The following MATN2 variants were observed in gnomAD, a reference collection of about 807,000 sequenced individuals.
MATN2 encodes the protein matrilin 2.
A neutral mutation model predicts 103.2 loss-of-function variants in MATN2; 69 were observed. The ratio of observed to expected loss-of-function variants is 0.67; its 90% CI spans 0.55 to 0.82. The LOEUF (loss-of-function observed/expected upper bound fraction) is 0.82, where lower values mean the gene tolerates loss of function less well. MATN2 is among the 40% of genes least tolerant of loss of function. The pLI, the probability that MATN2 is intolerant of heterozygous loss-of-function variation, is 0.00. For synonymous variants in MATN2, 429 were observed against 450.2 expected (o/e 0.95, Z 0.60); for missense variants, 1,023 against 1,211.5 (o/e 0.84, Z 2.31).
intron 11 of MATN2, among the ~76,000 whole-genome samples, chr8:98,017,519 T>C (rs1293994682): frequency 4.6e-5 from 7 of 152,232 alleles, no homozygotes; most frequent in Non-Finnish European, 1.0e-4. Flanking sequence ...TTGACACTTT[T>C]GGAAGAAAAG....
chr8:97,890,080 C>G lies in MATN2; in HGVS notation c.142+1838C>G, dbSNP rs561894108. The stretch of plus-strand genomic sequence containing the variant: ...GATGGGGCACAACCTATCTTTCCCA[C>G]CCCAAGACTGGAAGTGGGCATGGGT... On this transcript the variant is annotated intron_variant, in intron 2 of 18. Coordinates refer to ENST00000254898, the MANE Select transcript of MATN2 (RefSeq NM_002380.5). Among the ~76,000 whole-genome samples the G allele has an allele frequency of 5.3e-4, 80 of 152,298 alleles. 1 individual carries two copies. The highest frequency in any genetic ancestry group is 3.4e-3 in the Middle Eastern group (1 of 294).
chr8:97,897,759 C>G (rs1818860891), intron 2 of MATN2, among the ~76,000 whole-genome samples: 1 of 152,142 alleles, frequency 6.6e-6, no homozygotes, highest in African/African-American at 2.4e-5. Context: ...ACCTGCTGTT[C>G]CCTATCAAAT....
intron 14 of MATN2, 97 bp downstream of exon 14, chr8:98,027,926 A>T (rs2290467): frequency 6.1e-6 from 8 of 1,321,246 alleles, no homozygotes; most frequent in Non-Finnish European, 8.1e-6. Context: ...AGCTTCTTTG[A>T]GTGTACAGAA....
intron 4 of MATN2, among the ~76,000 whole-genome samples, chr8:97,950,221 C>T (rs780171365): frequency 2.0e-5 from 3 of 152,144 alleles, no homozygotes; most frequent in Non-Finnish European, 4.4e-5. Flanking sequence ...TAAGTAGTGG[C>T]GCTGGACCAG....
At chr8:98,014,735 GGTGA>G (rs1256317937) in intron 10 of MATN2, among the ~76,000 whole-genome samples, 5 of 152,148 alleles carry the variant, frequency 3.3e-5, no homozygotes, top group Non-Finnish European at 7.4e-5. Context: ...TTCCCTAGCT[GGTGA>G]GTGAGAATAA....
At chr8:98,015,978 A>G (rs1813344607) in intron 10 of MATN2, among the ~76,000 whole-genome samples, 1 of 152,212 alleles carries the variant, frequency 6.6e-6, no homozygotes, top group African/African-American at 2.4e-5. Flanking sequence ...TAGTTACATA[A>G]TAGCCAGTTA....
intron 2 of MATN2, among the ~76,000 whole-genome samples, chr8:97,921,032 G>A (rs1170665053): frequency 6.6e-6 from 1 of 152,130 alleles, no homozygotes; most frequent in African/African-American, 2.4e-5. Flanking sequence ...TTATGCAGTT[G>A]ATTTCGAACC....
At chr8:97,916,557 A>G (rs1372754928) in intron 2 of MATN2, among the ~76,000 whole-genome samples, 3 of 152,012 alleles carry the variant, frequency 2.0e-5, no homozygotes, top group Admixed American at 6.6e-5. Context: ...GATGGGCCCC[A>G]GTGTGTGTTG....
At chr8:97,986,832 CT>C (rs1026116354) in intron 6 of MATN2, among the ~76,000 whole-genome samples, 1 of 151,952 alleles carries the variant, frequency 6.6e-6, no homozygotes. Flanking sequence ...AGTAGATCTA[CT>C]TTTAGTTATT....
chr8:97,871,731 T>C (rs1277446839), intron 1 of MATN2, among the ~76,000 whole-genome samples: 13 of 152,190 alleles, frequency 8.5e-5, no homozygotes, highest in Admixed American at 7.8e-4. Context: ...CTTCAGCCCA[T>C]GAGGCCATCC....
chr8:97,900,452 G>A (rs1818941279), intron 2 of MATN2, among the ~76,000 whole-genome samples: 1 of 152,180 alleles, frequency 6.6e-6, no homozygotes, highest in African/African-American at 2.4e-5. Context: ...AGTCCCATGG[G>A]GGATGAGCCC....
rs532571647 is a variant in MATN2, at chr8:97,918,017, G to A, written c.143-12936G>A. 6.2e-4 allele frequency among the ~76,000 whole-genome samples: 94 copies of A among 152,260 alleles called. No homozygotes were observed. The South Asian group carries it at 0.018, about 30-fold the overall frequency. ...GGAGGATCACTTGAGCCTGGGAGGC[G>A]GAGGTTGTAGTGAGCTGAGACTGCA... On this transcript the variant is annotated intron_variant, in intron 2 of 18. Coordinates refer to ENST00000254898, the MANE Select transcript of MATN2 (RefSeq NM_002380.5).
chr8:98,010,046 G>C (rs1345677280), intron 10 of MATN2, among the ~76,000 whole-genome samples: 39 of 152,162 alleles, frequency 2.6e-4, no homozygotes, highest in Non-Finnish European at 4.4e-5. Context: ...CTGTCTCCCA[G>C]AATAAATTTC....
intron 1 of MATN2, among the ~76,000 whole-genome samples, chr8:97,882,613 G>A (rs561188166): frequency 6.6e-6 from 1 of 152,192 alleles, no homozygotes; most frequent in South Asian, 2.1e-4. Context: ...ATGTTGCCCA[G>A]GCTGGTCTCC....
At chr8:97,922,305 A>T (rs1357903525) in intron 2 of MATN2, among the ~76,000 whole-genome samples, 2 of 152,042 alleles carry the variant, frequency 1.3e-5, no homozygotes. Flanking sequence ...TTTTGCTCTG[A>T]CCCCATGCCC....
At chr8:97,983,627 C>T (rs977796) in intron 6 of MATN2, among the ~76,000 whole-genome samples, 41,869 of 152,010 alleles carry the variant, frequency 0.28, 7,278 homozygotes, top group African/African-American at 0.49. Flanking sequence ...AAGGCAATTG[C>T]GGACACCATC....
At chr8:97,887,645 A>C (rs896155820) in intron 1 of MATN2, among the ~76,000 whole-genome samples, 1 of 152,250 alleles carries the variant, frequency 6.6e-6, no homozygotes, top group Non-Finnish European at 1.5e-5. Context: ...TTTTATATGT[A>C]TAATTTATAT....
chr8:97,916,586 T>A (rs1809637760), intron 2 of MATN2, among the ~76,000 whole-genome samples: 1 of 152,172 alleles, frequency 6.6e-6, no homozygotes, highest in Non-Finnish European at 1.5e-5. Context: ...TATGTGTCCG[T>A]GTGTTCCCAT....
chr8:98,017,518 T>C (rs1813405246), intron 11 of MATN2, among the ~76,000 whole-genome samples: 2 of 152,214 alleles, frequency 1.3e-5, no homozygotes, highest in African/African-American at 4.8e-5. Context: ...GTTGACACTT[T>C]TGGAAGAAAA....
Sources: gnomAD v4.1 joint callset for allele counts (sites outside exome capture counted in the v4.1 genomes callset) on GRCh38, gnomAD v4.1.1 for gene constraint, MANE v1.5 for transcripts, NCBI Gene and HGNC (gene_info 2026-07-23, HGNC 2026-07-21) for gene names.